Variants in TRAM1 observed in about 807,000 individuals in gnomAD.
TRAM1 encodes the protein translocation associated membrane protein 1.
A neutral mutation model predicts 48.7 loss-of-function variants in TRAM1; 17 were observed. The observed-to-expected ratio is 0.35, with a 90% confidence interval of 0.24 to 0.52. The LOEUF is 0.52. Ranked by LOEUF, TRAM1 falls within the 20% of genes least tolerant of loss-of-function variation. The probability of loss-of-function intolerance (pLI) is 0.94; values close to 1 mark genes in which losing one functional copy is unlikely to be tolerated. For missense variants in TRAM1, 351 were observed against 441.5 expected (o/e 0.79, Z 1.84); for synonymous variants, 182 against 154.0 (o/e 1.18, Z -1.34).
intron 6 of TRAM1, among the ~76,000 whole-genome samples, chr8:70,590,528 C>G (rs894398995): frequency 3.3e-5 from 5 of 152,212 alleles, no homozygotes; most frequent in Non-Finnish European, 7.3e-5. Flanking sequence ...CACTATGTTA[C>G]TCAGGCTGGA....
intron 1 of TRAM1, among the ~76,000 whole-genome samples, chr8:70,603,855 C>G (rs1817662454): frequency 6.6e-6 from 1 of 150,878 alleles, no homozygotes; most frequent in African/African-American, 2.5e-5. Context: ...GCTGGTTTAG[C>G]ATGTGAGTTT....
At chr8:70,602,610 T>C (rs956010339) in intron 1 of TRAM1, among the ~76,000 whole-genome samples, 3 of 152,338 alleles carry the variant, frequency 2.0e-5, no homozygotes, top group Non-Finnish European at 4.4e-5. Flanking sequence ...CAATGTCACA[T>C]ATTAAGCATA....
chr8:70,605,187 A>C (rs886551480), intron 1 of TRAM1, among the ~76,000 whole-genome samples: 1 of 152,234 alleles, frequency 6.6e-6, no homozygotes, highest in African/African-American at 2.4e-5. Flanking sequence ...TGAGTTTTTA[A>C]AGAATAATAA....
chr8:70,595,893 G>A (rs1817476389), intron 5 of TRAM1, among the ~76,000 whole-genome samples: 1 of 151,864 alleles, frequency 6.6e-6, no homozygotes, highest in Non-Finnish European at 1.5e-5. Flanking sequence ...CTTATAATAG[G>A]AGAAAGAAAG....
intron 3 of TRAM1, 32 bp downstream of exon 3, chr8:70,598,102 T>TA: frequency 6.3e-7 from 1 of 1,594,380 alleles, no homozygotes; most frequent in East Asian, 2.3e-5. Context: ...TAGTACTTTA[T>TA]AAAGTATAGA....
intron 10 of TRAM1, among the ~76,000 whole-genome samples, chr8:70,581,816 T>A (rs1817081293): frequency 6.6e-6 from 1 of 152,236 alleles, no homozygotes; most frequent in African/African-American, 2.4e-5. Flanking sequence ...GAAGTCTTTC[T>A]ATATGCTATG....
At chr8:70,601,196 C>CCCT (rs931389150) in intron 1 of TRAM1, among the ~76,000 whole-genome samples, 2 of 152,032 alleles carry the variant, frequency 1.3e-5, no homozygotes, top group Admixed American at 6.6e-5. Flanking sequence ...TACCACATCC[C>CCCT]CCTCCCTACC....
At chr8:70,577,162 T>G (rs569725218) in intron 10 of TRAM1, among the ~76,000 whole-genome samples, 1 of 152,264 alleles carries the variant, frequency 6.6e-6, no homozygotes, top group East Asian at 1.9e-4. Flanking sequence ...CTTTGGGTGC[T>G]GATGAGCACG....
In TRAM1 at chr8:70,586,981, A is replaced by C; in HGVS notation, c.660T>G (p.Leu220=). 1 of 1,613,894 alleles carries C rather than the reference A, an allele frequency of 6.2e-7. No homozygotes were observed. ...AYLLNLNHLG[L]VLLVLHYFVE... Reference sequence around the variant, plus strand: ...CAAAATAATGTAGCACCAGAAGAACAAGTCCTAGATGATTCAAGCTGTTAA... The same window carrying C: ...CAAAATAATGTAGCACCAGAAGAACCAGTCCTAGATGATTCAAGCTGTTAA... Residue 220 remains leucine, a synonymous_variant, in exon 8 of 11, where the codon CTT becomes CTG. Coordinates refer to ENST00000262213, the MANE Select transcript of TRAM1 (RefSeq NM_014294.6).
intron 4 of TRAM1, among the ~76,000 whole-genome samples, chr8:70,596,925 T>C (rs1234692995): frequency 1.3e-5 from 2 of 151,864 alleles, no homozygotes; most frequent in Admixed American, 6.6e-5. Context: ...AAAAAATGTA[T>C]AATAGTTTTT....
chr8:70,596,920 AT>A (rs1333749051), intron 4 of TRAM1, among the ~76,000 whole-genome samples: 5 of 152,118 alleles, frequency 3.3e-5, no homozygotes, highest in Admixed American at 1.3e-4. Context: ...TTTTAAAAAA[AT>A]GTATAATAGT....
intron 10 of TRAM1, among the ~76,000 whole-genome samples, chr8:70,578,632 C>T (rs552756600): frequency 4.0e-5 from 6 of 151,812 alleles, no homozygotes; most frequent in African/African-American, 9.7e-5. Flanking sequence ...GACCCTGTTT[C>T]GAAAAAAAAG....
At chr8:70,590,418 C>A (rs1817327309) in intron 6 of TRAM1, among the ~76,000 whole-genome samples, 1 of 152,306 alleles carries the variant, frequency 6.6e-6, no homozygotes, top group African/African-American at 2.4e-5. Context: ...TTGTGCTTGA[C>A]ATTAGCTAAG....
chr8:70,573,262 C>CTA lies in TRAM1; in HGVS notation c.*1668_*1669dup, dbSNP rs1816856578. 6.6e-6 allele frequency among the ~76,000 whole-genome samples: 1 copy of CTA among 152,180 alleles called. No individual in the cohort carries two copies. ...CCCAGATTTATTTGGTTATGACCAT[C>CTA]TATCCCCCCAGTAGTCCTCACCAAT... On this transcript the variant is annotated 3_prime_UTR_variant, in exon 11 of 11. Coordinates refer to ENST00000262213, the MANE Select transcript of TRAM1 (RefSeq NM_014294.6).
chr8:70,601,002 A>G (rs997230331), intron 1 of TRAM1, among the ~76,000 whole-genome samples: 1 of 152,184 alleles, frequency 6.6e-6, no homozygotes. Context: ...TGAGTGCTAG[A>G]AAGGACTCTG....
At chr8:70,596,519 T>C (rs549548190) in intron 4 of TRAM1, among the ~76,000 whole-genome samples, 198 bp from the exon 5 acceptor site, 1 of 152,274 alleles carries the variant, frequency 6.6e-6, no homozygotes, top group South Asian at 2.1e-4. Flanking sequence ...AAATCAATGA[T>C]AGAAATGAGA....
intron 6 of TRAM1, among the ~76,000 whole-genome samples, chr8:70,588,180 G>A (rs1286067317): frequency 3.9e-5 from 6 of 152,092 alleles, no homozygotes; most frequent in Non-Finnish European, 8.8e-5. Context: ...TCATGCCACT[G>A]TACTCCAGCT....
chr8:70,590,141 TA>T (rs34326193), intron 6 of TRAM1, among the ~76,000 whole-genome samples: 76,010 of 139,772 alleles, frequency 0.54, 20,581 homozygotes, highest in Middle Eastern at 0.63. Flanking sequence ...TAAGGCAATG[TA>T]AAAAAAAAAA....
intron 10 of TRAM1, among the ~76,000 whole-genome samples, chr8:70,575,925 A>G (rs1052879813): frequency 6.6e-6 from 1 of 151,898 alleles, no homozygotes. Context: ...AAAAATACAA[A>G]AATTAGCTGG....
Sources: gnomAD v4.1 joint callset for allele counts (sites outside exome capture counted in the v4.1 genomes callset) on GRCh38, gnomAD v4.1.1 for gene constraint, MANE v1.5 for transcripts, NCBI Gene and HGNC (gene_info 2026-07-23, HGNC 2026-07-21) for gene names.